Variants in ZNF451 observed in about 807,000 individuals in gnomAD.
The protein encoded by ZNF451 is zinc finger protein 451, also known as E3 SUMO-protein ligase ZNF451.
In ZNF451, 80 loss-of-function variants were observed where a neutral mutation model predicts 107.1. The observed-to-expected ratio is 0.75, with a 90% CI of 0.62 to 0.90. ZNF451 has a LOEUF of 0.90. ZNF451 is among the 40% of genes least tolerant of loss of function. The probability of loss-of-function intolerance (pLI) is 0.00; values close to 1 mark genes in which losing one functional copy is unlikely to be tolerated. For synonymous variants in ZNF451, 362 were observed against 406.5 expected, an observed-to-expected ratio of 0.89 and a Z score of 1.32; for missense variants, 1,107 against 1,236.2, an observed-to-expected ratio of 0.90 and a Z score of 1.57.
chr6:57,125,390 G>T (rs1432687099), intron 4 of ZNF451, among the ~76,000 whole-genome samples: 1 of 152,090 alleles, frequency 6.6e-6, no homozygotes, highest in Non-Finnish European at 1.5e-5. Context: ...ACTTGCTTTA[G>T]AAGGCCCCAA....
At chr6:57,097,929 T>A (rs1829404415) in intron 2 of ZNF451, among the ~76,000 whole-genome samples, 1 of 150,332 alleles carries the variant, frequency 6.7e-6, no homozygotes, top group African/African-American at 2.4e-5. Flanking sequence ...TTTTGTTTTT[T>A]AAATAATCTT....
At chr6:57,132,910 A>G in intron 5 of ZNF451, 132 bp from the exon 6 acceptor site, 1 of 902,178 alleles carries the variant, frequency 1.1e-6, no homozygotes. Context: ...GAGAGGTTTT[A>G]AACAATTATA....
chr6:57,105,168 C>G (rs1829790110), intron 3 of ZNF451: 4 of 985,376 alleles, frequency 4.1e-6, no homozygotes, highest in African/African-American at 1.7e-5. Context: ...AAATTCCCTA[C>G]TAGGCCAACC....
At position 57,152,361 on chromosome 6, in the gene ZNF451, T is replaced by C. The variant is rs747556123; in HGVS notation, c.2883+10T>C. The stretch of plus-strand genomic sequence containing the variant: ...TGCCATATGTATGCATGTGAGTCAT[T>C]GTTTTATTCAAAATCTAATGTGAAT... On this transcript the variant is annotated intron_variant, in intron 12 of 14. Transcript: ENST00000370706. 10 of 1,611,256 alleles carry C rather than the reference T, an allele frequency of 6.2e-6. No individual in the cohort carries two copies. Among genetic ancestry groups the C allele is most frequent in the Non-Finnish European group, 8.5e-6 (10 of 1,179,450 alleles).
At chr6:57,095,242 A>G (rs772824681) in intron 2 of ZNF451, among the ~76,000 whole-genome samples, 12 of 151,478 alleles carry the variant, frequency 7.9e-5, no homozygotes, top group Non-Finnish European at 1.6e-4. Flanking sequence ...CTACTCTGTC[A>G]CTTAAAGCTC....
Position 57,134,802 on chromosome 6 carries a change from T to G in ZNF451, c.634T>G (p.Phe212Val). 1 of 1,613,024 alleles carries G rather than the reference T, an allele frequency of 6.2e-7. No individual in the cohort carries two copies. Among genetic ancestry groups the G allele is most frequent in the Non-Finnish European group, 8.5e-7 (1 of 1,179,530 alleles). Reference protein sequence around the residue: ...ITLHGPFFSSFACVVCYKKFV... With the variant: ...ITLHGPFFSSVACVVCYKKFV... The stretch of plus-strand genomic sequence containing the variant: ...ACTACATGGACCTTTCTTCAGCTCC[T>G]TTGCTTGTGTAGTATGTTATAAAAA... Residue 212 changes from phenylalanine to valine, a missense_variant, in exon 7 of 15, where the codon TTT becomes GTT. Around this residue, in one of 5 missense-constraint regions of ZNF451, gnomAD observed 339 missense variants for 372.8 expected, o/e 0.91. Transcript: ENST00000370706.
In ZNF451 at chr6:57,141,475, TG is replaced by T; in HGVS notation, c.856+21del. 1 of 1,584,456 alleles carries T rather than the reference TG, an allele frequency of 6.3e-7. No individual in the cohort carries two copies. The highest frequency in any genetic ancestry group is 1.2e-5 in the South Asian group (1 of 85,684). ...TGGGTGGTATGTTAATACTCTCTTC[TG>T]CTGAAAATTAAACTACTTGAATCTT... On this transcript the variant is annotated intron_variant, in intron 8 of 14. Coordinates refer to ENST00000370706, the MANE Select transcript of ZNF451 (RefSeq NM_001031623.3).
chr6:57,113,316 C>CTT, intron 3 of ZNF451, among the ~76,000 whole-genome samples: 1 of 141,618 alleles, frequency 7.1e-6, no homozygotes, highest in South Asian at 2.3e-4. Context: ...TGATGTCATT[C>CTT]TTTTTTTTTT....
chr6:57,134,912 A>G, intron 7 of ZNF451, 42 bp downstream of exon 7: 1 of 1,551,974 alleles, frequency 6.4e-7, no homozygotes, highest in Non-Finnish European at 8.8e-7. Context: ...TTTTCTAGAT[A>G]GCCATGGAGT....
intron 3 of ZNF451, chr6:57,106,336 T>G: frequency 1.0e-6 from 1 of 963,892 alleles, no homozygotes; most frequent in East Asian, 1.2e-4. Flanking sequence ...TTTGAGACAG[T>G]TTCGCTCTTG....
intron 2 of ZNF451, among the ~76,000 whole-genome samples, chr6:57,094,790 G>A (rs910450251): frequency 7.9e-5 from 12 of 152,030 alleles, no homozygotes; most frequent in African/African-American, 2.9e-4. Context: ...AGGAACTCAG[G>A]TAATAAACAT....
intron 11 of ZNF451, chr6:57,151,091 G>A (rs1007281561): frequency 3.3e-5 from 14 of 421,430 alleles, no homozygotes; most frequent in Non-Finnish European, 5.7e-5. Flanking sequence ...GCCGGGCGCG[G>A]TGGCTCACGT....
intron 3 of ZNF451, chr6:57,108,819 T>C: frequency 1.0e-6 from 1 of 985,426 alleles, no homozygotes; most frequent in East Asian, 1.1e-4. Context: ...AAGGCACTCT[T>C]GAGAGAAATT....
intron 11 of ZNF451, 75 bp downstream of exon 11, chr6:57,150,937 T>C: frequency 6.6e-7 from 1 of 1,524,656 alleles, no homozygotes; most frequent in Non-Finnish European, 9.0e-7. Context: ...AAGGCTCCTC[T>C]TAAACCTTCC....
In ZNF451 at chr6:57,148,545, G is replaced by C; in HGVS notation, c.2460G>C (p.Val820=). Residue 820 remains valine (V), a synonymous_variant, in exon 10 of 15, where the codon GTG becomes GTC. Transcript: ENST00000370706. ...RKHCFLQKPS[V]AHFGSEKSNL... is the part of the protein sequence containing the mutation. ...ATTGCTTCTTACAGAAACCCAGTGT[G>C]GCTCATTTTGGATCTGAAAAATCAA... 6.2e-7 allele frequency: 1 copy of C among 1,614,094 alleles called. No homozygotes were observed. Among genetic ancestry groups the C allele is most frequent in the Non-Finnish European group, 8.5e-7 (1 of 1,179,984 alleles).
At chr6:57,167,456 T>C (rs1295058916) in intron 14 of ZNF451, among the ~76,000 whole-genome samples, 1 of 152,216 alleles carries the variant, frequency 6.6e-6, no homozygotes, top group Non-Finnish European at 1.5e-5. Flanking sequence ...TGGCTTTTCT[T>C]TGCATTTCCT....
intron 10 of ZNF451, 108 bp from the exon 11 acceptor site, chr6:57,150,611 C>A: frequency 9.1e-7 from 1 of 1,101,646 alleles, no homozygotes; most frequent in South Asian, 1.7e-5. Context: ...GAGTAACATT[C>A]AAGGTTAGTA....
chr6:57,103,646 A>G, intron 3 of ZNF451: 2 of 985,392 alleles, frequency 2.0e-6, no homozygotes, highest in Non-Finnish European at 2.4e-6. Flanking sequence ...AGCCAAAAAC[A>G]GTTGTTTTTA....
chr6:57,152,436 T>A, intron 12 of ZNF451, 85 bp downstream of exon 12: 1 of 1,468,784 alleles, frequency 6.8e-7, no homozygotes. Flanking sequence ...ATGAGACTTA[T>A]AGATCATTCT....
Sources: allele counts gnomAD v4.1 joint callset (sites outside exome capture counted in the v4.1 genomes callset), GRCh38; gene constraint gnomAD v4.1.1; regional missense constraint gnomAD v4.1.1; transcripts MANE v1.5; gene names NCBI Gene and HGNC (gene_info 2026-07-23, HGNC 2026-07-21).